The following METTL9 variants were observed in gnomAD, a reference collection of about 807,000 sequenced individuals.
METTL9 encodes the protein protein-L-histidine N-pros-methyltransferase.
A neutral mutation model predicts 36.0 loss-of-function variants in METTL9; 10 were observed. That is an observed-to-expected ratio of 0.28 (90% CI 0.17 to 0.47). The LOEUF (loss-of-function observed/expected upper bound fraction) is 0.47. METTL9 is among the 20% of genes least tolerant of loss of function. The pLI, the probability that METTL9 is intolerant of heterozygous loss-of-function variation, is 0.99. For missense variants in METTL9, 246 were observed against 383.5 expected (o/e 0.64, Z 3.00); for synonymous variants, 175 against 149.7 (o/e 1.17, Z -1.23).
intron 4 of METTL9, chr16:21,641,634 G>T: frequency 7.4e-7 from 1 of 1,349,162 alleles, no homozygotes; most frequent in Non-Finnish European, 1.0e-6. Flanking sequence ...TTAAGGTTAT[G>T]TAACCAATGA....
intron 4 of METTL9, among the ~76,000 whole-genome samples, chr16:21,628,412 G>A (rs1965861844): frequency 6.6e-6 from 1 of 152,164 alleles, no homozygotes; most frequent in South Asian, 2.1e-4. Flanking sequence ...CTTTACTAGA[G>A]GAGGTCTCTA....
intron 1 of METTL9, among the ~76,000 whole-genome samples, chr16:21,605,257 C>CTATTTTTTTTTTT (rs1965246975): frequency 2.0e-5 from 1 of 51,204 alleles, no homozygotes; most frequent in East Asian, 7.0e-4. Flanking sequence ...GGCTTGCCTT[C>CTATTTTTTTTTTT]TTTTTTTTTT....
chr16:21,612,566 G>A (rs1157320255), intron 1 of METTL9, 79 bp from the exon 2 acceptor site: 4 of 1,338,072 alleles, frequency 3.0e-6, no homozygotes, highest in Non-Finnish European at 2.9e-6. Flanking sequence ...TAGTCTTCTG[G>A]TTTTTTGTTT....
chr16:21,602,782 C>T (rs558472669), intron 1 of METTL9, among the ~76,000 whole-genome samples: 25 of 152,016 alleles, frequency 1.6e-4, no homozygotes, highest in South Asian at 1.5e-3. Flanking sequence ...CTCAGCCTCC[C>T]GAGTAGCTGG....
At chr16:21,623,721 CTTAATG>C (rs1197264489) in intron 3 of METTL9, among the ~76,000 whole-genome samples, 2 of 152,030 alleles carry the variant, frequency 1.3e-5, no homozygotes, top group African/African-American at 4.8e-5. Context: ...AAACCATGCT[CTTAATG>C]TTAATAGGAT....
chr16:21,640,793 A>G (rs1014317931), intron 4 of METTL9: 4 of 151,406 alleles, frequency 2.6e-5, no homozygotes, highest in Admixed American at 6.6e-5. Context: ...GAAAAGAAAA[A>G]AAATCAGTAT....
chr16:21,643,280 A>G (rs1966327050), intron 4 of METTL9: 3 of 704,668 alleles, frequency 4.3e-6, no homozygotes, highest in Admixed American at 2.4e-5. Context: ...CCCAACACAT[A>G]TGTGCCTACA....
At chr16:21,617,533 A>G (rs1441064736) in intron 2 of METTL9, among the ~76,000 whole-genome samples, 3 of 151,182 alleles carry the variant, frequency 2.0e-5, no homozygotes, top group Non-Finnish European at 3.0e-5. Context: ...TTCGAGACCA[A>G]CCTGGCCGAC....
In METTL9 at chr16:21,612,623, CTTT is replaced by C. The variant is rs576885895; in HGVS notation, c.166-5_166-3del. On this transcript the variant is annotated intron_variant, in intron 1 of 4. Coordinates refer to ENST00000358154, the MANE Select transcript of METTL9 (RefSeq NM_016025.5). ...TCGGTTGTGTGTTTTAATTTTTGTT[CTTT>C]TTTTTTTTTTTTTTTTAGTGGTATG... 2.4e-3 allele frequency: 2,954 copies of C among 1,231,724 alleles called. No individual in the cohort carries two copies. The highest frequency in any genetic ancestry group is 4.7e-3 in the South Asian group (194 of 41,150). The allele number at this position is 1,231,724 out of a possible 1,614,324, so 76.3% of individuals were successfully genotyped here. A position where few individuals can be genotyped will look rare whatever the true frequency, so the allele number is the denominator to read the frequency against.
chr16:21,612,632 T>TC lies in METTL9; in HGVS notation c.166-13_166-12insC. The TC allele has an allele frequency of 7.5e-7, 1 of 1,329,776 alleles. No homozygotes were observed. 82.4% of individuals were successfully genotyped at this position (1,329,776 alleles called of 1,614,324 possible). A position where few individuals can be genotyped will look rare whatever the true frequency, so the allele number is the denominator to read the frequency against. ...TGTTTTAATTTTTGTTCTTTTTTTTTTTTTTTTTTTAGTGGTATGTGTGCA... is the reference window on the plus strand; with the variant it reads ...TGTTTTAATTTTTGTTCTTTTTTTTTCTTTTTTTTTTAGTGGTATGTGTGCA... On this transcript the variant is annotated splice_polypyrimidine_tract_variant and intron_variant, in intron 1 of 4. Transcript: ENST00000358154.
chr16:21,634,110 G>C (rs535611543), intron 4 of METTL9, among the ~76,000 whole-genome samples: 4 of 152,240 alleles, frequency 2.6e-5, no homozygotes, highest in African/African-American at 9.6e-5. Context: ...TGAGGAGGTG[G>C]GAGAAATACC....
intron 4 of METTL9, chr16:21,642,172 A>G (rs1389708403): frequency 6.6e-6 from 1 of 151,652 alleles, no homozygotes; most frequent in East Asian, 1.9e-4. Context: ...TAAAAAGAAA[A>G]CAATTAAAGT....
chr16:21,611,400 A>G lies in METTL9; in HGVS notation c.166-1245A>G, dbSNP rs1040763015. Among the ~76,000 whole-genome samples, 16 of 152,322 alleles carry G rather than the reference A, an allele frequency of 1.1e-4. 1 individual carries two copies. The highest frequency in any genetic ancestry group is 3.6e-4 in the African/African-American group (15 of 41,564). ...TTGTGCAAGCACTTATGGGACGTCT[A>G]CTGCTGATAAAAGGTCGTATTTGTC... On this transcript the variant is annotated intron_variant, in intron 1 of 4. Coordinates refer to ENST00000358154, the MANE Select transcript of METTL9 (RefSeq NM_016025.5).
intron 3 of METTL9, among the ~76,000 whole-genome samples, chr16:21,622,162 T>TTTTTTTTTTTTTTTTTTTTTTTTTG (rs71151646): frequency 7.4e-6 from 1 of 135,986 alleles, no homozygotes; most frequent in African/African-American, 2.8e-5. Context: ...TTTTTTTTTT[T>TTTTTTTTTTTTTTTTTTTTTTTTTG]GAGACAGGAT....
chr16:21,599,889 G>GA lies in METTL9; in HGVS notation c.158dup (p.Asn53LysfsTer26). The GA allele has an allele frequency of 6.9e-7, 1 of 1,459,738 alleles. No individual in the cohort carries two copies. Among genetic ancestry groups the GA allele is most frequent in the Non-Finnish European group, 9.0e-7 (1 of 1,108,466 alleles). The allele number at this position is 1,459,738 out of a possible 1,614,324, so 90.4% of individuals were successfully genotyped here. The stretch of plus-strand genomic sequence containing the variant: ...CGGCGGCCGCGGGCGGCAGGAAGGA[G>GA]AACCACCAGGTACGGGCTGGGGCCG... On this transcript the variant is annotated frameshift_variant, in exon 1 of 5. Transcript: ENST00000358154. LOFTEE classifies it high-confidence loss of function. This position sits in a 1 kb window ranked among gnomAD's most constrained non-coding sequence, Gnocchi z 4.4.
chr16:21,626,918 CT>C (rs1965828099), intron 4 of METTL9: 1 of 975,460 alleles, frequency 1.0e-6, no homozygotes, highest in African/African-American at 1.8e-5. Context: ...ATTTTATTTC[CT>C]TGTGTTTCTG....
chr16:21,634,637 A>T (rs1156980746), intron 4 of METTL9, among the ~76,000 whole-genome samples: 1 of 152,150 alleles, frequency 6.6e-6, no homozygotes, highest in Non-Finnish European at 1.5e-5. Context: ...TTGCCAGGTT[A>T]ATAATGCCTC....
chr16:21,647,456 G>A lies in METTL9; in HGVS notation c.752-7771G>A, dbSNP rs1408251486. ...AGTGTAGTCCACTTCTAGGTACCAC[G>A]GTTGTGTGACAGAGAGAGTACAGGC... On this transcript the variant is annotated intron_variant, in intron 4 of 4. Coordinates refer to ENST00000358154, the MANE Select transcript of METTL9 (RefSeq NM_016025.5). 34 of 1,613,900 alleles carry A rather than the reference G, an allele frequency of 2.1e-5. No individual in the cohort carries two copies. The highest frequency in any genetic ancestry group is 4.5e-5 in the East Asian group (2 of 44,890).
At chr16:21,601,364 T>C (rs897831031) in intron 1 of METTL9, among the ~76,000 whole-genome samples, 8 of 152,186 alleles carry the variant, frequency 5.3e-5, no homozygotes, top group Non-Finnish European at 1.2e-4. Context: ...ATTTTTAACA[T>C]TTTTAAGCAG....
Sources: allele counts gnomAD v4.1 joint callset (sites outside exome capture counted in the v4.1 genomes callset), GRCh38; gene constraint gnomAD v4.1.1; non-coding constraint Gnocchi (gnomAD v3.1); transcripts MANE v1.5; gene names NCBI Gene and HGNC (gene_info 2026-07-23, HGNC 2026-07-21).